The following ASTN2 variants were observed in gnomAD, a reference collection of about 807,000 sequenced individuals.
The protein encoded by ASTN2 is astrotactin-2.
A neutral mutation model predicts 139.8 loss-of-function variants in ASTN2; 54 were observed. That is an observed-to-expected ratio of 0.39 (90% CI 0.31 to 0.48). The LOEUF (loss-of-function observed/expected upper bound fraction) is 0.48. Ranked by LOEUF, ASTN2 falls within the 20% of genes least tolerant of loss-of-function variation. The probability of loss-of-function intolerance (pLI) is 0.95; values close to 1 mark genes in which losing one functional copy is unlikely to be tolerated. For missense variants in ASTN2, 1,565 were observed against 1,725.1 expected (o/e 0.91, Z 1.64); for synonymous variants, 756 against 719.5 (o/e 1.05, Z -0.81).
chr9:117,200,013 C>A (rs1016060760), intron 3 of ASTN2, among the ~76,000 whole-genome samples: 1 of 151,944 alleles, frequency 6.6e-6, no homozygotes, highest in East Asian at 1.9e-4. Context: ...GCTGACATTG[C>A]TTATCAGTTC....
chr9:116,652,392 T>C (rs1427708876), intron 16 of ASTN2, among the ~76,000 whole-genome samples: 1 of 152,196 alleles, frequency 6.6e-6, no homozygotes, highest in East Asian at 1.9e-4. Context: ...GGCTAGATTA[T>C]TATTCAATAA....
At chr9:117,158,501 A>G (rs1250615391) in intron 3 of ASTN2, among the ~76,000 whole-genome samples, 4 of 152,076 alleles carry the variant, frequency 2.6e-5, no homozygotes, top group Admixed American at 1.3e-4. Context: ...CTTGTCATTG[A>G]TATGTTCCTT....
Position 116,493,593 on chromosome 9 carries a change from CT to C in ASTN2, c.3356-6094del, listed in dbSNP as rs148277936. On this transcript the variant is annotated intron_variant, in intron 19 of 22. Coordinates refer to ENST00000313400, the MANE Select transcript of ASTN2 (RefSeq NM_001365068.1). The stretch of plus-strand genomic sequence containing the variant: ...TCAATTTTTCTAGAGGCCCCACCCC[CT>C]ATTCCTCAATTCCCTCTCCCTCTCC... Among the ~76,000 whole-genome samples the C allele has an allele frequency of 3.1e-3, 468 of 152,278 alleles. 4 individuals carry two copies. The highest frequency in any genetic ancestry group is 0.011 in the African/African-American group (453 of 41,548).
intron 2 of ASTN2, among the ~76,000 whole-genome samples, chr9:117,270,073 A>T (rs898117759): frequency 2.0e-5 from 3 of 152,198 alleles, no homozygotes; most frequent in Non-Finnish European, 4.4e-5. Context: ...AAATTTGTCC[A>T]CCTTTTATCC....
chr9:117,162,761 G>A (rs1164597687), intron 3 of ASTN2, among the ~76,000 whole-genome samples: 1 of 152,090 alleles, frequency 6.6e-6, no homozygotes, highest in African/African-American at 2.4e-5. Context: ...CTATGCATAT[G>A]TTGGTTAGTT....
chr9:117,202,477 C>T (rs368997322), intron 3 of ASTN2, among the ~76,000 whole-genome samples: 110 of 152,228 alleles, frequency 7.2e-4, no homozygotes, highest in African/African-American at 2.1e-3. Context: ...GTGCCTGGTA[C>T]GAGTTTTTCC....
intron 11 of ASTN2, among the ~76,000 whole-genome samples, chr9:116,834,417 T>C (rs557481554): frequency 2.4e-4 from 37 of 152,306 alleles, no homozygotes; most frequent in Middle Eastern, 3.4e-3. Flanking sequence ...CATTGTAGAA[T>C]TGTCTATTTT....
chr9:116,540,366 G>C (rs553389505), intron 19 of ASTN2: 3 of 152,296 alleles, frequency 2.0e-5, no homozygotes, highest in African/African-American at 7.2e-5. Flanking sequence ...AGAAGAAAGA[G>C]GTAAAATGAT....
In ASTN2 at chr9:116,613,874, A is replaced by G. The variant is rs1403433625; in HGVS notation, c.3355+4450T>C. On this transcript the variant is annotated intron_variant, in intron 19 of 22. Transcript: ENST00000313400. Reference sequence around the variant, plus strand: ...CAACATAGTGTTGGAAGTTCTGGCCAGGGCAATCAGAGAGGAGAAAGAAAT... The same window carrying G: ...CAACATAGTGTTGGAAGTTCTGGCCGGGGCAATCAGAGAGGAGAAAGAAAT... Among the ~76,000 whole-genome samples, 5 of 152,204 alleles carry G rather than the reference A, an allele frequency of 3.3e-5. 1 individual carries two copies.
intron 4 of ASTN2, among the ~76,000 whole-genome samples, chr9:117,111,447 A>T (rs979394896): frequency 1.4e-5 from 2 of 147,342 alleles, no homozygotes; most frequent in African/African-American, 5.0e-5. Flanking sequence ...AAAAAAAAAA[A>T]CACTGGATGG....
intron 10 of ASTN2, among the ~76,000 whole-genome samples, chr9:116,947,359 T>C (rs1335216608): frequency 1.3e-5 from 2 of 152,232 alleles, no homozygotes; most frequent in African/African-American, 4.8e-5. Flanking sequence ...TTGTTATTTC[T>C]TCTGGGAAGA....
At chr9:117,212,801 A>T (rs1416183147) in intron 3 of ASTN2, among the ~76,000 whole-genome samples, 1 of 152,182 alleles carries the variant, frequency 6.6e-6, no homozygotes, top group African/African-American at 2.4e-5. Context: ...TGCTGGTGAG[A>T]ATGCGGAGAA....
chr9:116,996,905 A>AT (rs1399562892), intron 7 of ASTN2, among the ~76,000 whole-genome samples: 4 of 152,102 alleles, frequency 2.6e-5, no homozygotes, highest in Admixed American at 2.0e-4. Flanking sequence ...TTTTTAACAC[A>AT]TTTTTTAGAT....
chr9:116,496,000 C>T (rs943581026), intron 19 of ASTN2, among the ~76,000 whole-genome samples: 1 of 152,114 alleles, frequency 6.6e-6, no homozygotes, highest in East Asian at 1.9e-4. Context: ...TTCCATGGAG[C>T]CTTCTTCCCC....
rs369737497 is a variant in ASTN2, at chr9:116,784,662, G to A, written c.2396+20970C>T. ...AAGAGGAGAGAGGCTGTGTTGGGGG[G>A]CTCATGCCTGTAATCCCAGCACTTT... On this transcript the variant is annotated intron_variant, in intron 13 of 22. Coordinates refer to ENST00000313400, the MANE Select transcript of ASTN2 (RefSeq NM_001365068.1). Among the ~76,000 whole-genome samples, 10 of 152,268 alleles carry A rather than the reference G, an allele frequency of 6.6e-5. 1 individual carries two copies. The South Asian group carries it at 1.9e-3, about 28-fold the overall frequency.
intron 3 of ASTN2, among the ~76,000 whole-genome samples, chr9:117,171,529 C>A (rs968219421): frequency 2.0e-5 from 3 of 152,142 alleles, no homozygotes; most frequent in African/African-American, 7.2e-5. Flanking sequence ...CCACCCAAAT[C>A]TCATATTGAA....
chr9:116,611,189 T>A (rs1218869393), intron 19 of ASTN2: 1 of 151,930 alleles, frequency 6.6e-6, no homozygotes, highest in Non-Finnish European at 1.5e-5. Context: ...AACTCATAAG[T>A]CAAAGAAGAA....
intron 19 of ASTN2, among the ~76,000 whole-genome samples, chr9:116,570,477 G>A (rs1853456342): frequency 1.3e-5 from 2 of 151,990 alleles, no homozygotes; most frequent in South Asian, 4.2e-4. Context: ...CTCACTGCAA[G>A]CTCCGCCTCC....
intron 13 of ASTN2, among the ~76,000 whole-genome samples, chr9:116,785,443 T>C (rs774730693): frequency 1.3e-5 from 2 of 152,232 alleles, no homozygotes; most frequent in East Asian, 1.9e-4. Flanking sequence ...CATGGCCAGA[T>C]GATGGCTATT....
Sources: gnomAD v4.1 joint callset for allele counts (sites outside exome capture counted in the v4.1 genomes callset) on GRCh38, gnomAD v4.1.1 for gene constraint, MANE v1.5 for transcripts, NCBI Gene and HGNC (gene_info 2026-07-23, HGNC 2026-07-21) for gene names.